Variants in NAALAD2 observed in about 807,000 individuals in gnomAD.
NAALAD2 encodes the protein N-acetylated alpha-linked acidic dipeptidase 2.
NAALAD2 carries 89 observed loss-of-function variants against 95.6 expected under a neutral mutation model. The observed-to-expected ratio is 0.93, with a 90% confidence interval of 0.78 to 1.11. The LOEUF (loss-of-function observed/expected upper bound fraction) is 1.11. Ranked by LOEUF, NAALAD2 falls within the 50% of genes least tolerant of loss-of-function variation. NAALAD2 has a pLI of 0.00. For synonymous variants in NAALAD2, 264 were observed against 294.4 expected, an observed-to-expected ratio of 0.90 and a Z score of 1.06; for missense variants, 894 against 872.4, an observed-to-expected ratio of 1.02 and a Z score of -0.31.
chr11:90,172,310 A>G (rs1460171422), intron 13 of NAALAD2, among the ~76,000 whole-genome samples: 1 of 152,134 alleles, frequency 6.6e-6, no homozygotes, highest in African/African-American at 2.4e-5. Context: ...GCAGTCATAA[A>G]ATATCATCTC....
Position 90,138,725 on chromosome 11 carries a change from C to CTTTTTTTTTTTTTT in NAALAD2, c.194+3076_194+3089dup, listed in dbSNP as rs562496549. On this transcript the variant is annotated intron_variant, in intron 2 of 18. Coordinates refer to ENST00000534061, the MANE Select transcript of NAALAD2 (RefSeq NM_005467.4). ...TATCATGAAACCCTTCATCCCTCAA[C>CTTTTTTTTTTTTTT]TTTTTTTTTTTTTTTTTTTTTTTTT... Among the ~76,000 whole-genome samples the CTTTTTTTTTTTTTT allele has an allele frequency of 9.8e-5, 6 of 61,528 alleles. 2 individuals are homozygous for CTTTTTTTTTTTTTT. The highest frequency in any genetic ancestry group is 2.2e-4 in the African/African-American group (4 of 17,786). 40.4% of individuals were successfully genotyped at this position (61,528 alleles called of 152,430 possible).
At chr11:90,179,024 C>T (rs948290463) in intron 16 of NAALAD2, among the ~76,000 whole-genome samples, 7 of 152,058 alleles carry the variant, frequency 4.6e-5, no homozygotes, top group African/African-American at 1.4e-4. Flanking sequence ...GTTATGTGAC[C>T]TTGGGAAAGT....
intron 2 of NAALAD2, among the ~76,000 whole-genome samples, chr11:90,141,741 G>T (rs1951623259): frequency 6.6e-6 from 1 of 152,058 alleles, no homozygotes; most frequent in African/African-American, 2.4e-5. Flanking sequence ...TGAGCCACTG[G>T]ACTTGGCTGG....
chr11:90,135,124 C>T (rs944698361), intron 1 of NAALAD2: 35 of 376,798 alleles, frequency 9.3e-5, no homozygotes, highest in Non-Finnish European at 1.4e-4. Flanking sequence ...GAAAAAAAAT[C>T]GTTTTATTTC....
intron 16 of NAALAD2, among the ~76,000 whole-genome samples, chr11:90,178,685 A>ATC (rs1163546947): frequency 6.6e-6 from 1 of 150,854 alleles, no homozygotes; most frequent in Non-Finnish European, 1.5e-5. Context: ...AAAAAAAAAA[A>ATC]TTTACTGTTA....
At chr11:90,144,706 C>T (rs1951706497) in intron 2 of NAALAD2, among the ~76,000 whole-genome samples, 1 of 139,856 alleles carries the variant, frequency 7.2e-6, no homozygotes, top group African/African-American at 2.7e-5. Context: ...TGTACCACTG[C>T]ACTCCAGCCT....
intron 2 of NAALAD2, among the ~76,000 whole-genome samples, chr11:90,145,394 TCC>T (rs1951726178): frequency 1.3e-5 from 2 of 152,204 alleles, no homozygotes; most frequent in African/African-American, 4.8e-5. Flanking sequence ...TAATCCTCCC[TCC>T]TAATTTAAGG....
chr11:90,137,784 G>T (rs547180780), intron 2 of NAALAD2, among the ~76,000 whole-genome samples: 1 of 151,732 alleles, frequency 6.6e-6, no homozygotes, highest in Non-Finnish European at 1.5e-5. Flanking sequence ...TTTTATTTTT[G>T]TTTATTTTAT....
Position 90,192,839 on chromosome 11 carries a change from A to G in NAALAD2, c.*1092A>G, listed in dbSNP as rs532328214. 6.6e-5 allele frequency: 10 copies of G among 152,106 alleles called. No homozygotes were observed. In the East Asian group the frequency reaches 1.5e-3, roughly 23 times the overall value. 9.4% of individuals were successfully genotyped at this position (152,106 alleles called of 1,614,324 possible). ...CTTTTATGCAGATCCCAGTGACTCA[A>G]TTACATGTTCAACTATGATTAAAGC... On this transcript the variant is annotated 3_prime_UTR_variant, in exon 19 of 19. Coordinates refer to ENST00000534061, the MANE Select transcript of NAALAD2 (RefSeq NM_005467.4).
At chr11:90,141,925 C>G (rs1951630143) in intron 2 of NAALAD2, among the ~76,000 whole-genome samples, 1 of 152,118 alleles carries the variant, frequency 6.6e-6, no homozygotes, top group Admixed American at 6.5e-5. Flanking sequence ...TTTGTGCTGA[C>G]TGGAAACTCC....
intron 2 of NAALAD2, among the ~76,000 whole-genome samples, chr11:90,142,900 T>C (rs1379582413): frequency 6.6e-6 from 1 of 152,106 alleles, no homozygotes; most frequent in Non-Finnish European, 1.5e-5. Context: ...CTCTAAAGGT[T>C]ATATTATACA....
At chr11:90,162,912 TGCTGTACTAAGTAA>T in intron 8 of NAALAD2, 23 bp from the exon 9 acceptor site, 26 of 1,122,788 alleles carry the variant, frequency 2.3e-5, no homozygotes, top group Non-Finnish European at 3.1e-5. Flanking sequence ...AAACATAATT[TGCTGTACTAAGTAA>T]TTTATTCCTT....
intron 13 of NAALAD2, among the ~76,000 whole-genome samples, chr11:90,172,604 C>G (rs1335158501): frequency 6.6e-6 from 1 of 152,180 alleles, no homozygotes; most frequent in African/African-American, 2.4e-5. Flanking sequence ...CTCATCCCCA[C>G]ATCTCTTTAT....
chr11:90,147,730 C>T (rs1303604129), intron 3 of NAALAD2, among the ~76,000 whole-genome samples: 1 of 152,070 alleles, frequency 6.6e-6, no homozygotes, highest in Non-Finnish European at 1.5e-5. Context: ...ATACTTCAGA[C>T]CTCAAATTAG....
intron 5 of NAALAD2, 76 bp downstream of exon 5, chr11:90,150,683 C>G: frequency 1.6e-6 from 2 of 1,282,028 alleles, no homozygotes; most frequent in Non-Finnish European, 2.0e-6. Flanking sequence ...CAACTTGCTT[C>G]TCTGTTTCCA....
intron 2 of NAALAD2, among the ~76,000 whole-genome samples, chr11:90,136,157 C>A (rs1242399979): frequency 6.6e-6 from 1 of 152,058 alleles, no homozygotes; most frequent in Non-Finnish European, 1.5e-5. Flanking sequence ...AGAATCATTG[C>A]CATTCCTCCA....
chr11:90,176,131 G>A, intron 15 of NAALAD2, 69 bp downstream of exon 15: 1 of 1,246,078 alleles, frequency 8.0e-7, no homozygotes, highest in Non-Finnish European at 1.2e-6. Flanking sequence ...ATGTCACTGA[G>A]TTGTTTGGCA....
chr11:90,143,190 G>A (rs1487560455), intron 2 of NAALAD2, among the ~76,000 whole-genome samples: 1 of 151,906 alleles, frequency 6.6e-6, no homozygotes, highest in East Asian at 1.9e-4. Context: ...CTTTTCATTT[G>A]TTTCTGAAGA....
chr11:90,164,688 A>G (rs1173770184), intron 11 of NAALAD2, among the ~76,000 whole-genome samples: 1 of 152,182 alleles, frequency 6.6e-6, no homozygotes, highest in African/African-American at 2.4e-5. Flanking sequence ...AGTGATCAAT[A>G]AATGTTGGCT....
Sources: gnomAD v4.1 joint callset for allele counts (sites outside exome capture counted in the v4.1 genomes callset) on GRCh38, gnomAD v4.1.1 for gene constraint, MANE v1.5 for transcripts, NCBI Gene and HGNC (gene_info 2026-07-23, HGNC 2026-07-21) for gene names.